AMPH: variants seen among roughly 807,000 people sequenced by gnomAD.
AMPH encodes amphiphysin (Stiff-Mann syndrome with breast cancer 128kD autoantigen).
AMPH carries 49 observed loss-of-function variants against 99.1 expected under a neutral mutation model. The observed-to-expected ratio is 0.49, with a 90% CI of 0.39 to 0.63. The LOEUF is 0.63. Ranked by LOEUF, AMPH falls within the 20% of genes least tolerant of loss-of-function variation. The probability of loss-of-function intolerance (pLI) is 0.00; values close to 1 mark genes in which losing one functional copy is unlikely to be tolerated. For synonymous variants in AMPH, 314 were observed against 317.3 expected (o/e 0.99, Z 0.11); for missense variants, 759 against 863.4 (o/e 0.88, Z 1.52).
intron 18 of AMPH, 25 bp from the exon 19 acceptor site, chr7:38,392,042 T>C: frequency 1.9e-6 from 3 of 1,599,256 alleles, no homozygotes; most frequent in Non-Finnish European, 2.5e-6. Context: ...ACCGTGGCGA[T>C]GCCCGGCAGG....
At chr7:38,602,696 A>T (rs779724307) in intron 1 of AMPH, among the ~76,000 whole-genome samples, 1 of 152,218 alleles carries the variant, frequency 6.6e-6, no homozygotes, top group Admixed American at 6.5e-5. Context: ...GCAAGATATT[A>T]AAAAATTCCG....
intron 16 of AMPH, among the ~76,000 whole-genome samples, chr7:38,421,307 A>G (rs950632168): frequency 7.2e-5 from 11 of 152,246 alleles, no homozygotes; most frequent in Admixed American, 7.2e-4. Context: ...TCCATTTCTC[A>G]TAAACCATTC....
intron 1 of AMPH, among the ~76,000 whole-genome samples, chr7:38,541,712 T>C (rs905288721): frequency 6.6e-6 from 1 of 152,210 alleles, no homozygotes; most frequent in African/African-American, 2.4e-5. Flanking sequence ...TGAATGGCCT[T>C]CAGACTTTAA....
chr7:38,496,655 G>A (rs1788944387), intron 3 of AMPH, among the ~76,000 whole-genome samples: 1 of 152,162 alleles, frequency 6.6e-6, no homozygotes, highest in East Asian at 1.9e-4. Context: ...TGAGGTGGAA[G>A]CTACATTATG....
chr7:38,464,221 C>T (rs1787564799), intron 9 of AMPH: 3 of 956,592 alleles, frequency 3.1e-6, no homozygotes, highest in Non-Finnish European at 4.3e-6. Context: ...CCTTTCATTT[C>T]CATGTAAGGG....
At chr7:38,454,422 GAAGA>G (rs1341866390) in intron 11 of AMPH, among the ~76,000 whole-genome samples, 1 of 151,996 alleles carries the variant, frequency 6.6e-6, no homozygotes, top group African/African-American at 2.4e-5. Context: ...AGAACACTGA[GAAGA>G]AATAGTATCA....
chr7:38,569,080 C>T (rs1431181469), intron 1 of AMPH, among the ~76,000 whole-genome samples: 1 of 152,172 alleles, frequency 6.6e-6, no homozygotes, highest in Non-Finnish European at 1.5e-5. Context: ...CCATTAGAAG[C>T]TACATGTTTT....
chr7:38,596,255 G>A (rs1362269840), intron 1 of AMPH, among the ~76,000 whole-genome samples: 1 of 152,182 alleles, frequency 6.6e-6, no homozygotes, highest in Non-Finnish European at 1.5e-5. Context: ...GGGAGAGAAG[G>A]AATAAGTCTA....
intron 2 of AMPH, among the ~76,000 whole-genome samples, chr7:38,518,585 C>T (rs1238298438): frequency 6.6e-6 from 1 of 152,168 alleles, no homozygotes; most frequent in African/African-American, 2.4e-5. Flanking sequence ...TTCTTCTTGT[C>T]TATTTATCCC....
intron 16 of AMPH, 103 bp from the exon 17 acceptor site, chr7:38,418,053 G>T: frequency 7.6e-7 from 1 of 1,318,388 alleles, no homozygotes; most frequent in Non-Finnish European, 1.0e-6. Flanking sequence ...CATCCCATAG[G>T]CAACTAGCTT....
intron 5 of AMPH, among the ~76,000 whole-genome samples, chr7:38,481,656 T>C (rs1170610749): frequency 6.6e-6 from 1 of 152,124 alleles, no homozygotes; most frequent in Non-Finnish European, 1.5e-5. Context: ...CAATCACAGC[T>C]GGAAAAGTTA....
chr7:38,389,758 A>G, intron 20 of AMPH, 46 bp downstream of exon 20: 2 of 1,455,456 alleles, frequency 1.4e-6, no homozygotes, highest in Non-Finnish European at 1.9e-6. Context: ...AGACCCTCAG[A>G]AAAAAATCAA....
In AMPH at chr7:38,390,993, GA is replaced by G. The variant is rs1784474608; in HGVS notation, c.1878+754del. On this transcript the variant is annotated intron_variant, in intron 19 of 20. Transcript: ENST00000356264. The stretch of plus-strand genomic sequence containing the variant: ...AGAGAGAGAGAGAGAGAGAGAGAGA[GA>G]GAGAGAGAGAGAGAGAGAGAGAATG... 9.5e-3 allele frequency among the ~76,000 whole-genome samples: 692 copies of G among 72,988 alleles called. 4 individuals are homozygous for G. The highest frequency in any genetic ancestry group is 0.013 in the African/African-American group (235 of 18,174). The allele number at this position is 72,988 out of a possible 152,430, so 47.9% of individuals were successfully genotyped here.
At chr7:38,484,203 G>T (rs374568046) in intron 5 of AMPH, among the ~76,000 whole-genome samples, 49 of 152,092 alleles carry the variant, frequency 3.2e-4, no homozygotes, top group African/African-American at 1.2e-3. Context: ...GCTATTGAAA[G>T]AAATAATGAC....
rs532260796 is a variant in AMPH, at chr7:38,565,960, T to C, written c.70-30949A>G. Among the ~76,000 whole-genome samples the C allele has an allele frequency of 7.9e-5, 12 of 152,324 alleles. No individual in the cohort carries two copies. The East Asian group carries it at 2.3e-3, about 29-fold the overall frequency. ...ACATTTACAAAACTATCACTTTCCA[T>C]TTAAAAATCAAAGAAAAGATATCTT... On this transcript the variant is annotated intron_variant, in intron 1 of 20. Coordinates refer to ENST00000356264, the MANE Select transcript of AMPH (RefSeq NM_001635.4).
chr7:38,433,549 C>T (rs1040945384), intron 12 of AMPH, among the ~76,000 whole-genome samples: 1 of 149,790 alleles, frequency 6.7e-6, no homozygotes, highest in African/African-American at 2.5e-5. Context: ...AACGGTGAAA[C>T]CCCGTCTCTA....
chr7:38,420,395 C>G (rs1001701275), intron 16 of AMPH, among the ~76,000 whole-genome samples: 3 of 152,192 alleles, frequency 2.0e-5, no homozygotes. Flanking sequence ...CAAGATGCCT[C>G]CCTTGAAAGA....
chr7:38,462,240 C>A lies in AMPH; in HGVS notation c.888+735G>T, dbSNP rs114880775. 1.6e-3 allele frequency among the ~76,000 whole-genome samples: 241 copies of A among 152,264 alleles called. 1 individual carries two copies. Among genetic ancestry groups the A allele is most frequent in the African/African-American group, 5.4e-3 (224 of 41,550 alleles). On this transcript the variant is annotated intron_variant, in intron 10 of 20. Transcript: ENST00000356264. ...CTCGGCGCGTTTAAGGTAGGCTGGG[C>A]TAAGTCATGATGCTCAACAGGTTAG...
chr7:38,414,645 A>G (rs867119551), intron 17 of AMPH, among the ~76,000 whole-genome samples: 2 of 151,838 alleles, frequency 1.3e-5, no homozygotes, highest in African/African-American at 2.4e-5. Flanking sequence ...ACACATATTG[A>G]AACGAATATT....
Sources: gnomAD v4.1 joint callset for allele counts (sites outside exome capture counted in the v4.1 genomes callset) on GRCh38, gnomAD v4.1.1 for gene constraint, MANE v1.5 for transcripts, NCBI Gene and HGNC (gene_info 2026-07-23, HGNC 2026-07-21) for gene names.